The following CDH4 variants were observed in gnomAD, a reference collection of about 807,000 sequenced individuals.
CDH4 encodes cadherin 4.
In CDH4, 33 loss-of-function variants were observed where a neutral mutation model predicts 86.0. The observed-to-expected ratio is 0.38, with a 90% confidence interval of 0.29 to 0.51. The LOEUF (loss-of-function observed/expected upper bound fraction) is 0.51. CDH4 is among the 20% of genes least tolerant of loss of function. The pLI is 0.86. For missense variants in CDH4, 1,114 were observed against 1,307.4 expected (o/e 0.85, Z 2.28); for synonymous variants, 555 against 549.4 (o/e 1.01, Z -0.14).
rs757100500 is a variant in CDH4, at chr20:61,923,721, T to C, written c.1628+17T>C. 12 of 1,609,574 alleles carry C rather than the reference T, an allele frequency of 7.5e-6. No homozygotes were observed. Among genetic ancestry groups the C allele is most frequent in the Non-Finnish European group, 8.5e-6 (10 of 1,178,452 alleles). On this transcript the variant is annotated intron_variant, in intron 10 of 15. Coordinates refer to ENST00000614565, the MANE Select transcript of CDH4 (RefSeq NM_001794.5). Reference sequence around the variant, plus strand: ...GGCTGTGAGGTGGGTGCACAGGACATGCCTCGTCCCTGCCTGCAGCTTCCC... The same window carrying C: ...GGCTGTGAGGTGGGTGCACAGGACACGCCTCGTCCCTGCCTGCAGCTTCCC...
intron 2 of CDH4, among the ~76,000 whole-genome samples, chr20:61,704,366 C>A (rs145217750): frequency 6.6e-6 from 1 of 152,128 alleles, no homozygotes; most frequent in African/African-American, 2.4e-5. Context: ...CCAGGTCACT[C>A]GGGAGGAAGG....
At chr20:61,652,313 T>C (rs906355695) in intron 2 of CDH4, among the ~76,000 whole-genome samples, 3 of 151,422 alleles carry the variant, frequency 2.0e-5, no homozygotes, top group African/African-American at 7.3e-5. Context: ...GTATGTGGTT[T>C]CGCTTATTGC....
At chr20:61,300,335 A>G (rs545112308) in intron 2 of CDH4, among the ~76,000 whole-genome samples, 30 of 152,194 alleles carry the variant, frequency 2.0e-4, no homozygotes, top group African/African-American at 7.2e-4. Context: ...GTTCTGGGAG[A>G]GGGAACAGTG....
At chr20:61,342,201 G>A (rs2123284218) in intron 2 of CDH4, among the ~76,000 whole-genome samples, 1 of 152,346 alleles carries the variant, frequency 6.6e-6, no homozygotes, top group Non-Finnish European at 1.5e-5. Flanking sequence ...TTTCATGGAA[G>A]ACAGTTTTTC....
At chr20:61,420,423 C>T (rs1379388210) in intron 2 of CDH4, among the ~76,000 whole-genome samples, 2 of 152,238 alleles carry the variant, frequency 1.3e-5, no homozygotes, top group Non-Finnish European at 2.9e-5. Context: ...CTTCCAAGTG[C>T]AGTGCTCCCC....
chr20:61,622,014 T>C (rs1373013004), intron 2 of CDH4, among the ~76,000 whole-genome samples: 2 of 152,228 alleles, frequency 1.3e-5, no homozygotes, highest in African/African-American at 4.8e-5. Flanking sequence ...CGGTTGTTAA[T>C]CTGTGCCGAT....
At chr20:61,586,045 G>A (rs1316857849) in intron 2 of CDH4, among the ~76,000 whole-genome samples, 1 of 140,262 alleles carries the variant, frequency 7.1e-6, no homozygotes, top group Non-Finnish European at 1.5e-5. Context: ...GTGGTGATGA[G>A]GAGGATGATG....
At chr20:61,730,936 A>G (rs2088172425) in intron 2 of CDH4, among the ~76,000 whole-genome samples, 4 of 146,202 alleles carry the variant, frequency 2.7e-5, no homozygotes, top group Admixed American at 2.0e-4. Context: ...TGGGGTATCC[A>G]GGGGCTCCGG....
intron 2 of CDH4, among the ~76,000 whole-genome samples, chr20:61,413,020 G>A (rs1262380688): frequency 1.3e-5 from 2 of 152,120 alleles, no homozygotes; most frequent in East Asian, 1.9e-4. Context: ...CATCCCCCAA[G>A]CCACTCCTCC....
At chr20:61,683,379 A>G (rs2087539258) in intron 2 of CDH4, among the ~76,000 whole-genome samples, 1 of 152,250 alleles carries the variant, frequency 6.6e-6, no homozygotes, top group African/African-American at 2.4e-5. Flanking sequence ...AGTCTCCAGC[A>G]AAATCTACTG....
intron 2 of CDH4, among the ~76,000 whole-genome samples, chr20:61,593,113 G>A (rs1162208036): frequency 1.3e-5 from 2 of 152,208 alleles, no homozygotes; most frequent in Admixed American, 1.3e-4. Context: ...GGGCACTTTA[G>A]ACTCTGACCT....
intron 2 of CDH4, among the ~76,000 whole-genome samples, chr20:61,448,107 G>T (rs576413803): frequency 6.6e-6 from 1 of 152,320 alleles, no homozygotes; most frequent in African/African-American, 2.4e-5. Context: ...CTTAAAAGTG[G>T]GTTGGCCCAG....
chr20:61,760,265 C>A (rs141062140), intron 3 of CDH4, among the ~76,000 whole-genome samples: 2 of 152,208 alleles, frequency 1.3e-5, no homozygotes, highest in Admixed American at 6.5e-5. Flanking sequence ...AACCCCTCCA[C>A]GGGGTGATGG....
intron 2 of CDH4, among the ~76,000 whole-genome samples, chr20:61,321,450 T>C (rs777190451): frequency 7.9e-6 from 1 of 126,912 alleles, no homozygotes; most frequent in Non-Finnish European, 1.8e-5. Context: ...GGAATGCTAA[T>C]GTTGTTAAGT....
intron 9 of CDH4, among the ~76,000 whole-genome samples, chr20:61,914,121 G>A (rs945241154): frequency 1.3e-5 from 2 of 152,198 alleles, no homozygotes; most frequent in Non-Finnish European, 2.9e-5. Flanking sequence ...GTCAACATCA[G>A]TGGCACTGAG....
intron 2 of CDH4, among the ~76,000 whole-genome samples, chr20:61,613,869 G>A (rs757017521): frequency 6.6e-6 from 1 of 151,792 alleles, no homozygotes; most frequent in Non-Finnish European, 1.5e-5. Flanking sequence ...GGGGCTTTGG[G>A]GAGGAGCTCG....
At chr20:61,337,034 C>T (rs974050162) in intron 2 of CDH4, among the ~76,000 whole-genome samples, 5 of 152,070 alleles carry the variant, frequency 3.3e-5, no homozygotes, top group African/African-American at 1.2e-4. Context: ...AGGTTCACAG[C>T]AAGGGCTGGA....
At chr20:61,274,759 G>A (rs1211017250) in intron 2 of CDH4, among the ~76,000 whole-genome samples, 94 of 145,832 alleles carry the variant, frequency 6.4e-4, no homozygotes, top group African/African-American at 2.2e-3. Context: ...GCAGTTTGGG[G>A]CAGTACTGTG....
chr20:61,933,093 ATGACGAGGAAGGCGG>A lies in CDH4; in HGVS notation c.2351_2365del (p.Asp784_Gly788del). On this transcript the variant is annotated inframe_deletion, in exon 14 of 16. Transcript: ENST00000614565. The stretch of plus-strand genomic sequence containing the variant: ...GACGTCCGCGACAACATCCTCAAGT[ATGACGAGGAAGGCGG>A]TGGCGAGGAGGACCAGGTGAGACTG... 1.9e-6 allele frequency: 3 copies of A among 1,613,130 alleles called. No individual in the cohort carries two copies. The highest frequency in any genetic ancestry group is 1.1e-5 in the South Asian group (1 of 91,084).
Sources: allele counts gnomAD v4.1 joint callset (sites outside exome capture counted in the v4.1 genomes callset), GRCh38; gene constraint gnomAD v4.1.1; transcripts MANE v1.5; gene names NCBI Gene and HGNC (gene_info 2026-07-23, HGNC 2026-07-21).